Variants in PIGN observed in about 807,000 individuals in gnomAD.
The protein encoded by PIGN is GPI ethanolamine phosphate transferase 1.
Under a neutral mutation model 125.4 loss-of-function variants are expected in PIGN, and 117 were observed. The observed-to-expected ratio is 0.93, with a 90% CI of 0.80 to 1.09. PIGN has a LOEUF of 1.09. PIGN is among the 50% of genes least tolerant of loss of function. The pLI is 0.00. For synonymous variants in PIGN, 392 were observed against 377.8 expected (o/e 1.04, Z -0.44); for missense variants, 1,075 against 1,094.9 (o/e 0.98, Z 0.26).
intron 17 of PIGN, among the ~76,000 whole-genome samples, chr18:62,109,404 C>T (rs892045086): frequency 6.6e-6 from 1 of 152,118 alleles, no homozygotes; most frequent in Admixed American, 6.6e-5. Context: ...TAGATCTACA[C>T]AATCGCTAGG....
intron 26 of PIGN, 58 bp from the exon 27 acceptor site, chr18:62,084,664 T>A (rs534733415): frequency 9.5e-7 from 1 of 1,054,086 alleles, no homozygotes; most frequent in African/African-American, 1.6e-5. Flanking sequence ...TTTAAAAGAA[T>A]ATTCTTCTAA....
chr18:62,104,946 T>C (rs1196094053), intron 20 of PIGN: 3 of 152,176 alleles, frequency 2.0e-5, no homozygotes, highest in Non-Finnish European at 2.9e-5. Flanking sequence ...AGTTATTTTA[T>C]AAATTTATTT....
intron 23 of PIGN, among the ~76,000 whole-genome samples, chr18:62,033,851 T>C (rs1255284202): frequency 6.6e-6 from 1 of 152,260 alleles, no homozygotes; most frequent in Admixed American, 6.5e-5. Context: ...ACAAATTTAA[T>C]ACAATTTAAT....
chr18:62,100,499 C>T (rs570922848), intron 22 of PIGN, among the ~76,000 whole-genome samples: 1 of 152,248 alleles, frequency 6.6e-6, no homozygotes, highest in South Asian at 2.1e-4. Context: ...CTTTTCTGAA[C>T]AAAAAACTTG....
At chr18:62,176,846 T>C (rs890917736) in intron 1 of PIGN, among the ~76,000 whole-genome samples, 3 of 152,162 alleles carry the variant, frequency 2.0e-5, no homozygotes, top group South Asian at 2.1e-4. Flanking sequence ...CTGGTTTTGA[T>C]AATTATATGA....
intron 14 of PIGN, among the ~76,000 whole-genome samples, chr18:62,128,959 C>G (rs1028143353): frequency 2.0e-5 from 3 of 152,218 alleles, no homozygotes; most frequent in African/African-American, 7.2e-5. Flanking sequence ...AAATGCAGAT[C>G]TCCCCACTCA....
At chr18:62,041,133 T>C (rs118103974), downstream of PIGN, 5 of 152,310 alleles carry the variant, frequency 3.3e-5, no homozygotes, top group Middle Eastern at 3.4e-3. Flanking sequence ...TACTAATCAC[T>C]TTCTACACTG....
intron 21 of PIGN, among the ~76,000 whole-genome samples, chr18:62,102,364 A>G (rs765489573): frequency 6.7e-6 from 1 of 149,860 alleles, no homozygotes; most frequent in Non-Finnish European, 1.5e-5. Flanking sequence ...TCACCACACC[A>G]AAGCCACCAA....
At chr18:62,185,286 A>G (rs897904974) in intron 1 of PIGN, among the ~76,000 whole-genome samples, 1 of 152,164 alleles carries the variant, frequency 6.6e-6, no homozygotes, top group Non-Finnish European at 1.5e-5. Context: ...AGTATTTGCC[A>G]TTTCAATTCT....
At chr18:62,180,060 C>T (rs1869424336) in intron 1 of PIGN, among the ~76,000 whole-genome samples, 1 of 152,128 alleles carries the variant, frequency 6.6e-6, no homozygotes, top group African/African-American at 2.4e-5. Flanking sequence ...GGCAATTAAG[C>T]TGCTCTCTTA....
chr18:62,149,812 C>A (rs2036465101), intron 7 of PIGN, among the ~76,000 whole-genome samples: 1 of 152,212 alleles, frequency 6.6e-6, no homozygotes, highest in Non-Finnish European at 1.5e-5. Context: ...GTCAGTGATA[C>A]TGTAGAACCA....
At chr18:62,081,939 C>T (rs1333122861) in intron 28 of PIGN, among the ~76,000 whole-genome samples, 1 of 152,088 alleles carries the variant, frequency 6.6e-6, no homozygotes, top group African/African-American at 2.4e-5. Context: ...TCAAGAACAA[C>T]ATGCAAATTT....
intron 14 of PIGN, among the ~76,000 whole-genome samples, chr18:62,116,174 C>A (rs1480822139): frequency 1.3e-5 from 2 of 152,174 alleles, no homozygotes; most frequent in African/African-American, 2.4e-5. Context: ...CCTTCAGATA[C>A]CACACATTTT....
Position 62,161,957 on chromosome 18 carries a change from T to A in PIGN, c.-33+296A>T, listed in dbSNP as rs144371736. Reference sequence around the variant, plus strand: ...ATTACCATATTGAGCAGGAAACATGTATTCTATCACATTTGGCAGAATCAT... The same window carrying A: ...ATTACCATATTGAGCAGGAAACATGAATTCTATCACATTTGGCAGAATCAT... On this transcript the variant is annotated intron_variant, in intron 3 of 30. Transcript: ENST00000640252. Among the ~76,000 whole-genome samples, 147 of 152,324 alleles carry A rather than the reference T, an allele frequency of 9.7e-4. 1 individual carries two copies. Among genetic ancestry groups the A allele is most frequent in the African/African-American group, 3.4e-3 (143 of 41,584 alleles).
At chr18:62,119,574 T>C (rs1826020783) in intron 14 of PIGN, among the ~76,000 whole-genome samples, 1 of 152,090 alleles carries the variant, frequency 6.6e-6, no homozygotes, top group African/African-American at 2.4e-5. Context: ...CTGGGTGCGA[T>C]GGCTCACGCC....
At chr18:62,152,769 A>G (rs2036581892) in intron 7 of PIGN, among the ~76,000 whole-genome samples, 1 of 152,174 alleles carries the variant, frequency 6.6e-6, no homozygotes, top group African/African-American at 2.4e-5. Context: ...GAAAGTCAAA[A>G]GAATCGTAAG....
chr18:62,111,247 C>G (rs2146534744), intron 16 of PIGN, among the ~76,000 whole-genome samples: 1 of 152,024 alleles, frequency 6.6e-6, no homozygotes, highest in East Asian at 1.9e-4. Flanking sequence ...TAGTGTTAAG[C>G]CTAACTAAAT....
rs146680924 is a variant in PIGN at position 62,083,051 on chromosome 18, A to G, written c.2503-305T>C. 3.7e-3 allele frequency among the ~76,000 whole-genome samples: 564 copies of G among 152,186 alleles called. 2 individuals carry two copies. Among genetic ancestry groups the G allele is most frequent in the African/African-American group, 0.013 (520 of 41,558 alleles). ...TAATGTATTCTAATAATTAACCACA[A>G]TGTTCAAAAGATTCCAAGAGGGTGT... On this transcript the variant is annotated intron_variant, in intron 27 of 30. Coordinates refer to ENST00000640252, the MANE Select transcript of PIGN (RefSeq NM_176787.5).
At chr18:62,163,375 T>C (rs1208481255) in intron 2 of PIGN, among the ~76,000 whole-genome samples, 156 bp downstream of exon 2, 2 of 152,210 alleles carry the variant, frequency 1.3e-5, no homozygotes, top group African/African-American at 2.4e-5. Context: ...TTGCATGGTG[T>C]TCTGGTCCCC....
Sources: gnomAD v4.1 joint callset for allele counts (sites outside exome capture counted in the v4.1 genomes callset) on GRCh38, gnomAD v4.1.1 for gene constraint, MANE v1.5 for transcripts, NCBI Gene and HGNC (gene_info 2026-07-23, HGNC 2026-07-21) for gene names.